Variants in DCC observed in about 807,000 individuals in gnomAD.
DCC encodes the protein DCC netrin 1 receptor, also known as netrin receptor DCC.
Under a neutral mutation model 172.5 loss-of-function variants are expected in DCC, and 58 were observed. That is an observed-to-expected ratio of 0.34 (90% confidence interval 0.27 to 0.42). The LOEUF is 0.42. DCC is among the 10% of genes least tolerant of loss of function. The pLI, the probability that DCC is intolerant of heterozygous loss-of-function variation, is 1.00. For synonymous variants in DCC, 709 were observed against 644.5 expected, an observed-to-expected ratio of 1.10 and a Z score of -1.52; for missense variants, 1,740 against 1,791.0, an observed-to-expected ratio of 0.97 and a Z score of 0.51.
intron 1 of DCC, among the ~76,000 whole-genome samples, chr18:52,543,305 A>T (rs2032516288): frequency 6.6e-6 from 1 of 152,218 alleles, no homozygotes; most frequent in Non-Finnish European, 1.5e-5. Context: ...AAATCAATAT[A>T]TAATTATTAA....
At chr18:53,044,418 G>A (rs1235419955) in intron 5 of DCC, among the ~76,000 whole-genome samples, 2 of 147,116 alleles carry the variant, frequency 1.4e-5, no homozygotes, top group Non-Finnish European at 3.0e-5. Flanking sequence ...CAGGAAGCTT[G>A]AGTTCTAGTA....
intron 1 of DCC, among the ~76,000 whole-genome samples, chr18:52,655,290 C>T (rs148219795): frequency 1.3e-5 from 2 of 152,242 alleles, no homozygotes; most frequent in African/African-American, 4.8e-5. Flanking sequence ...CATTGAGGGT[C>T]AGGCAGTCTT....
At chr18:53,217,210 G>A (rs2055864850) in intron 12 of DCC, among the ~76,000 whole-genome samples, 1 of 150,562 alleles carries the variant, frequency 6.6e-6, no homozygotes, top group African/African-American at 2.4e-5. Context: ...GAATATGGAT[G>A]TACTTTACTG....
chr18:53,263,904 T>C (rs1355738731), intron 12 of DCC, among the ~76,000 whole-genome samples: 1 of 152,134 alleles, frequency 6.6e-6, no homozygotes, highest in Non-Finnish European at 1.5e-5. Context: ...GGAACCTTTT[T>C]ATTTTTTAAA....
In DCC at chr18:52,562,856, C is replaced by A. The variant is rs189369049; in HGVS notation, c.92-189198C>A. 1.9e-4 allele frequency among the ~76,000 whole-genome samples: 29 copies of A among 152,032 alleles called. 1 individual carries two copies. Among genetic ancestry groups the A allele is most frequent in the African/African-American group, 6.3e-4 (26 of 41,470 alleles). On this transcript the variant is annotated intron_variant, in intron 1 of 28. Coordinates refer to ENST00000442544, the MANE Select transcript of DCC (RefSeq NM_005215.4). ...TCTTGCTTAGGCTGGTCTCAAACTC[C>A]TGGGCTTAAGTGATCCTTCTGCCTC...
At chr18:52,562,056 A>G (rs2033051940) in intron 1 of DCC, among the ~76,000 whole-genome samples, 1 of 152,210 alleles carries the variant, frequency 6.6e-6, no homozygotes, top group Non-Finnish European at 1.5e-5. Flanking sequence ...ACAGACTCTC[A>G]GGAGACTGAC....
chr18:52,406,856 C>G (rs1986671818), intron 1 of DCC, among the ~76,000 whole-genome samples: 1 of 152,008 alleles, frequency 6.6e-6, no homozygotes, highest in Non-Finnish European at 1.5e-5. Context: ...ACAGTCTGAA[C>G]TAATGATTAT....
At chr18:53,503,466 G>A (rs2046129821) in intron 27 of DCC, among the ~76,000 whole-genome samples, 1 of 152,122 alleles carries the variant, frequency 6.6e-6, no homozygotes, top group Non-Finnish European at 1.5e-5. Flanking sequence ...CACATTTCAT[G>A]GAGGCTGCAA....
At chr18:53,020,930 G>T (rs1170456291) in intron 5 of DCC, among the ~76,000 whole-genome samples, 2 of 152,130 alleles carry the variant, frequency 1.3e-5, no homozygotes, top group African/African-American at 4.8e-5. Context: ...AGAAAAGCAG[G>T]TTCCAAGTTA....
chr18:52,656,042 ATATATATG>A (rs2035242385), intron 1 of DCC, among the ~76,000 whole-genome samples: 1 of 143,644 alleles, frequency 7.0e-6, no homozygotes, highest in South Asian at 2.3e-4. Flanking sequence ...ATATGTGTGT[ATATATATG>A]TATATATGTG....
At chr18:53,379,743 C>A (rs2062877) in intron 15 of DCC, among the ~76,000 whole-genome samples, 37,595 of 152,052 alleles carry the variant, frequency 0.25, 4,982 homozygotes, top group Middle Eastern at 0.33. Context: ...CAACGAGTTA[C>A]TAAATATTTC....
chr18:53,063,692 C>A, intron 6 of DCC: 1 of 465,590 alleles, frequency 2.1e-6, no homozygotes, highest in East Asian at 4.1e-5. Flanking sequence ...TTAAAACATA[C>A]AAACAAACAA....
At chr18:52,643,648 A>G (rs1252190384) in intron 1 of DCC, among the ~76,000 whole-genome samples, 2 of 152,226 alleles carry the variant, frequency 1.3e-5, no homozygotes, top group African/African-American at 4.8e-5. Flanking sequence ...TGAAAGGACC[A>G]GTCTGTGCCA....
intron 1 of DCC, among the ~76,000 whole-genome samples, chr18:52,735,614 G>C (rs2036714896): frequency 7.4e-6 from 1 of 135,980 alleles, no homozygotes; most frequent in African/African-American, 2.9e-5. Flanking sequence ...CAAATCACTG[G>C]TATAAGTCCA....
chr18:52,843,305 C>T (rs2038836168), intron 2 of DCC, among the ~76,000 whole-genome samples: 1 of 151,754 alleles, frequency 6.6e-6, no homozygotes, highest in Admixed American at 6.6e-5. Context: ...ATTTTTTTAC[C>T]TTTGTTACCT....
At chr18:53,206,136 A>ATC (rs374023321) in intron 10 of DCC, among the ~76,000 whole-genome samples, 26,213 of 105,116 alleles carry the variant, frequency 0.25, 9,949 homozygotes, top group Non-Finnish European at 0.33. Flanking sequence ...ATACATATAC[A>ATC]TATATTATAT....
chr18:52,768,994 G>T (rs2037297988), intron 2 of DCC, among the ~76,000 whole-genome samples: 1 of 150,554 alleles, frequency 6.6e-6, no homozygotes, highest in South Asian at 2.1e-4. Flanking sequence ...ATCATATGTG[G>T]GTTGTCTAGG....
intron 5 of DCC, among the ~76,000 whole-genome samples, chr18:52,971,906 G>A (rs1468994148): frequency 6.6e-6 from 1 of 152,122 alleles, no homozygotes; most frequent in Non-Finnish European, 1.5e-5. Flanking sequence ...AACTTTAACA[G>A]CACATTGAGG....
At chr18:52,711,400 C>T (rs752104250) in intron 1 of DCC, among the ~76,000 whole-genome samples, 1 of 152,026 alleles carries the variant, frequency 6.6e-6, no homozygotes, top group Non-Finnish European at 1.5e-5. Flanking sequence ...GCTAATGAGG[C>T]CTTGTCTATT....
Sources: gnomAD v4.1 joint callset for allele counts (sites outside exome capture counted in the v4.1 genomes callset) on GRCh38, gnomAD v4.1.1 for gene constraint, MANE v1.5 for transcripts, NCBI Gene and HGNC (gene_info 2026-07-23, HGNC 2026-07-21) for gene names.